Variants in GSK3B observed in about 807,000 individuals in gnomAD.
GSK3B encodes glycogen synthase kinase-3 beta.
GSK3B carries 15 observed loss-of-function variants against 56.4 expected under a neutral mutation model. That is an observed-to-expected ratio of 0.27 (90% CI 0.18 to 0.41). GSK3B has a LOEUF of 0.41. Among genes scored for constraint, GSK3B ranks in the 10% least tolerant of loss-of-function variants. The probability of loss-of-function intolerance (pLI) is 1.00; values close to 1 mark genes in which losing one functional copy is unlikely to be tolerated. For synonymous variants in GSK3B, 181 were observed against 188.9 expected (o/e 0.96, Z 0.34); for missense variants, 300 against 513.4 (o/e 0.58, Z 4.02).
intron 7 of GSK3B, among the ~76,000 whole-genome samples, chr3:119,884,076 C>G (rs2056408365): frequency 6.6e-6 from 1 of 151,938 alleles, no homozygotes; most frequent in Non-Finnish European, 1.5e-5. Context: ...AAGAAGAGTG[C>G]TAAAGATGGG....
chr3:119,885,963 A>T (rs972436545), intron 7 of GSK3B, among the ~76,000 whole-genome samples: 2 of 152,120 alleles, frequency 1.3e-5, no homozygotes, highest in African/African-American at 2.4e-5. Context: ...AAAACCTAGG[A>T]AACACTATTC....
intron 7 of GSK3B, among the ~76,000 whole-genome samples, chr3:119,901,595 T>C (rs1474190992): frequency 6.6e-6 from 1 of 152,190 alleles, no homozygotes; most frequent in Non-Finnish European, 1.5e-5. Context: ...ATGCTGTAAA[T>C]TACTGGCATG....
At chr3:119,936,530 T>C (rs181935345) in intron 3 of GSK3B, among the ~76,000 whole-genome samples, 28 of 151,376 alleles carry the variant, frequency 1.8e-4, no homozygotes, top group African/African-American at 5.8e-4. Flanking sequence ...TATTTTTTAG[T>C]AGAGATGGGG....
rs2058507319 is a variant in GSK3B, at chr3:120,090,935, G to A, written c.88+2412C>T. Among the ~76,000 whole-genome samples, 3 of 152,066 alleles carry A rather than the reference G, an allele frequency of 2.0e-5. No individual in the cohort carries two copies. The South Asian group carries it at 6.2e-4, about 32-fold the overall frequency. On this transcript the variant is annotated intron_variant, in intron 1 of 10. Coordinates refer to ENST00000264235, the MANE Select transcript of GSK3B (RefSeq NM_001146156.2). Reference sequence around the variant, plus strand: ...TGTCAACTTGATTATTGTCTCTCATGCAAAACTCACCATCATTGTTCCTTG... The same window carrying A: ...TGTCAACTTGATTATTGTCTCTCATACAAAACTCACCATCATTGTTCCTTG...
At chr3:120,086,936 C>A (rs1317962157) in intron 1 of GSK3B, among the ~76,000 whole-genome samples, 2 of 152,174 alleles carry the variant, frequency 1.3e-5, no homozygotes, top group Non-Finnish European at 2.9e-5. Flanking sequence ...ATCATCCATT[C>A]TTTTCAGTAG....
intron 1 of GSK3B, among the ~76,000 whole-genome samples, chr3:120,077,613 T>C (rs1576313446): frequency 6.6e-6 from 1 of 152,102 alleles, no homozygotes; most frequent in South Asian, 2.1e-4. Context: ...ATCTAGGCTT[T>C]TGTTAAGAGT....
chr3:119,880,944 T>C (rs2056372620), intron 7 of GSK3B, among the ~76,000 whole-genome samples: 1 of 152,194 alleles, frequency 6.6e-6, no homozygotes, highest in African/African-American at 2.4e-5. Flanking sequence ...TTTATAAGTG[T>C]ATACCTTCAG....
intron 7 of GSK3B, among the ~76,000 whole-genome samples, chr3:119,879,313 T>C (rs181727582): frequency 6.6e-6 from 1 of 152,142 alleles, no homozygotes; most frequent in South Asian, 2.1e-4. Context: ...CCCGAGTAGC[T>C]GGGACTACAG....
intron 10 of GSK3B, among the ~76,000 whole-genome samples, chr3:119,832,131 G>A (rs2055611676): frequency 6.6e-6 from 1 of 152,228 alleles, no homozygotes. Context: ...TGTGGCTTCT[G>A]CATTGCCTTC....
chr3:119,890,623 C>A (rs1182668744), intron 7 of GSK3B, among the ~76,000 whole-genome samples: 1 of 151,552 alleles, frequency 6.6e-6, no homozygotes, highest in Non-Finnish European at 1.5e-5. Flanking sequence ...TAGAAATGTT[C>A]TAAATCTTGA....
intron 1 of GSK3B, among the ~76,000 whole-genome samples, chr3:120,034,406 G>T (rs1271460123): frequency 6.6e-6 from 1 of 152,206 alleles, no homozygotes; most frequent in Non-Finnish European, 1.5e-5. Context: ...TTTGTAGATG[G>T]TATGAGGTAG....
chr3:119,990,654 C>T (rs969439202), intron 2 of GSK3B, among the ~76,000 whole-genome samples: 4 of 152,150 alleles, frequency 2.6e-5, no homozygotes, highest in Admixed American at 1.3e-4. Flanking sequence ...TTAAGCCAAG[C>T]GCGGTGGCCC....
intron 3 of GSK3B, among the ~76,000 whole-genome samples, chr3:119,924,390 T>C (rs1422819325): frequency 6.6e-6 from 1 of 152,230 alleles, no homozygotes; most frequent in Non-Finnish European, 1.5e-5. Flanking sequence ...ATCTCCCAAT[T>C]TGAAATAATC....
At chr3:119,880,577 A>G (rs918655042) in intron 7 of GSK3B, among the ~76,000 whole-genome samples, 4 of 152,228 alleles carry the variant, frequency 2.6e-5, no homozygotes, top group East Asian at 1.9e-4. Flanking sequence ...GGATATTCTG[A>G]GCTACAGAAT....
intron 8 of GSK3B, among the ~76,000 whole-genome samples, chr3:119,872,573 C>T (rs1206376623): frequency 6.6e-6 from 1 of 151,980 alleles, no homozygotes; most frequent in Non-Finnish European, 1.5e-5. Flanking sequence ...GATGTGAAAC[C>T]AAAGGATGGA....
intron 3 of GSK3B, among the ~76,000 whole-genome samples, chr3:119,927,112 T>C (rs761580571): frequency 1.3e-5 from 2 of 152,252 alleles, no homozygotes; most frequent in Non-Finnish European, 2.9e-5. Context: ...AAATATTTGC[T>C]GACTAAATTA....
At chr3:119,882,073 C>T (rs992661321) in intron 7 of GSK3B, among the ~76,000 whole-genome samples, 3 of 151,950 alleles carry the variant, frequency 2.0e-5, no homozygotes, top group African/African-American at 7.3e-5. Flanking sequence ...TCTTTATCAG[C>T]AGTGTGAAAA....
intron 1 of GSK3B, among the ~76,000 whole-genome samples, chr3:120,041,747 T>C (rs140519114): frequency 1.1e-3 from 169 of 152,320 alleles, no homozygotes; most frequent in African/African-American, 4.0e-3. Flanking sequence ...ACTTCAGGAC[T>C]GGGCGACAGT....
chr3:120,075,201 T>G (rs2107568978), intron 1 of GSK3B, among the ~76,000 whole-genome samples: 1 of 152,288 alleles, frequency 6.6e-6, no homozygotes. Flanking sequence ...AAAAACTCTT[T>G]AACAGTTTAA....
Sources: allele counts gnomAD v4.1 joint callset (sites outside exome capture counted in the v4.1 genomes callset), GRCh38; gene constraint gnomAD v4.1.1; transcripts MANE v1.5; gene names NCBI Gene and HGNC (gene_info 2026-07-23, HGNC 2026-07-21).